The following CTIF variants were observed in gnomAD, a reference collection of about 807,000 sequenced individuals.
CTIF encodes cap binding complex dependent translation initiation factor, also known as CBP80/20-dependent translation initiation factor.
In CTIF, 21 loss-of-function variants were observed where a neutral mutation model predicts 66.0. The ratio of observed to expected loss-of-function variants is 0.32; its 90% confidence interval spans 0.23 to 0.46. CTIF has a LOEUF of 0.46. Among genes scored for constraint, CTIF ranks in the 20% least tolerant of loss-of-function variants. The pLI is 1.00. For synonymous variants in CTIF, 345 were observed against 326.4 expected (o/e 1.06, Z -0.62); for missense variants, 739 against 812.7 (o/e 0.91, Z 1.10).
At chr18:48,736,304 C>G (rs2092502425) in intron 7 of CTIF, among the ~76,000 whole-genome samples, 1 of 152,190 alleles carries the variant, frequency 6.6e-6, no homozygotes, top group South Asian at 2.1e-4. Flanking sequence ...TCTCCAAGTT[C>G]TGGAGCAAGC....
chr18:48,669,037 TC>T (rs2091480497), intron 5 of CTIF, among the ~76,000 whole-genome samples: 1 of 152,138 alleles, frequency 6.6e-6, no homozygotes. Flanking sequence ...AGCTAGTTTC[TC>T]CTCCTCTGGG....
chr18:48,632,753 T>A (rs1049128710), intron 2 of CTIF, among the ~76,000 whole-genome samples: 1 of 152,146 alleles, frequency 6.6e-6, no homozygotes, highest in East Asian at 1.9e-4. Context: ...TTACAGCCCC[T>A]GCCGAGAGCA....
intron 1 of CTIF, among the ~76,000 whole-genome samples, chr18:48,573,392 G>A (rs2089462502): frequency 6.6e-6 from 1 of 152,050 alleles, no homozygotes; most frequent in Non-Finnish European, 1.5e-5. Flanking sequence ...CCAGGCCAGG[G>A]GTCTCCAAAA....
intron 9 of CTIF, among the ~76,000 whole-genome samples, chr18:48,788,114 G>A (rs868458114): frequency 2.6e-5 from 4 of 152,290 alleles, no homozygotes; most frequent in Middle Eastern, 6.8e-3. Flanking sequence ...ATCCCCATGG[G>A]GACAATTGGA....
chr18:48,590,897 C>G (rs2089872997), intron 1 of CTIF, among the ~76,000 whole-genome samples: 1 of 151,774 alleles, frequency 6.6e-6, no homozygotes, highest in South Asian at 2.1e-4. Context: ...CCCAGAGGAA[C>G]TTGGACAACA....
intron 2 of CTIF, among the ~76,000 whole-genome samples, chr18:48,630,154 T>C (rs752847633): frequency 6.6e-6 from 1 of 152,172 alleles, no homozygotes; most frequent in Non-Finnish European, 1.5e-5. Flanking sequence ...TTCTAGGCTG[T>C]ATCCTCTACC....
At chr18:48,555,697 A>C (rs923991851) in intron 1 of CTIF, among the ~76,000 whole-genome samples, 1 of 152,176 alleles carries the variant, frequency 6.6e-6, no homozygotes, top group African/African-American at 2.4e-5. Flanking sequence ...ACCTTTGCCC[A>C]GTTGCATAGA....
chr18:48,706,594 A>G (rs1225488043), intron 6 of CTIF, among the ~76,000 whole-genome samples: 1 of 152,148 alleles, frequency 6.6e-6, no homozygotes, highest in Non-Finnish European at 1.5e-5. Flanking sequence ...TTCTGGGGCC[A>G]GAGCTCTGCT....
intron 2 of CTIF, among the ~76,000 whole-genome samples, chr18:48,632,095 G>T: frequency 6.6e-6 from 1 of 152,196 alleles, no homozygotes; most frequent in East Asian, 1.9e-4. Flanking sequence ...CAGAATCCCA[G>T]CAGGGATGGG....
In CTIF at chr18:48,670,717, C is replaced by T; in HGVS notation, c.480C>T (p.Asp160=). 6.2e-7 allele frequency: 1 copy of T among 1,614,182 alleles called. No individual in the cohort carries two copies. Among genetic ancestry groups the T allele is most frequent in the South Asian group, 1.1e-5 (1 of 91,080 alleles). The change falls in exon 6 of 12, where the codon GAC becomes GAT. Residue 160 remains aspartate, a synonymous_variant. Coordinates refer to ENST00000256413, the MANE Select transcript of CTIF (RefSeq NM_014772.3). ...ATGGGGATGGCATCAACCTGAATGACATCGAGAAGGTCCTTCCAGCCTGGC... is the reference window on the plus strand; with the variant it reads ...ATGGGGATGGCATCAACCTGAATGATATCGAGAAGGTCCTTCCAGCCTGGC... ...LEDGDGINLN[D]IEKVLPAWQG... is the part of the protein sequence containing the mutation.
At chr18:48,703,624 GATC>G (rs1448469177) in intron 6 of CTIF, among the ~76,000 whole-genome samples, 2 of 152,262 alleles carry the variant, frequency 1.3e-5, no homozygotes, top group Non-Finnish European at 2.9e-5. Context: ...AGAGGTCAAA[GATC>G]ATGAGACTGT....
intron 9 of CTIF, among the ~76,000 whole-genome samples, chr18:48,772,018 G>C (rs1193555289): frequency 3.3e-5 from 5 of 152,254 alleles, no homozygotes; most frequent in Non-Finnish European, 5.9e-5. Flanking sequence ...CCCCAGGGAG[G>C]CTCCCAGCCA....
intron 1 of CTIF, among the ~76,000 whole-genome samples, chr18:48,600,987 CTG>C (rs1213479711): frequency 6.6e-6 from 1 of 152,162 alleles, no homozygotes; most frequent in Non-Finnish European, 1.5e-5. Flanking sequence ...CACGTAGACA[CTG>C]TGTTTCCTTA....
rs554760890 is a variant in CTIF at position 48,602,710 on chromosome 18, C to T, written c.-28-16828C>T. Among the ~76,000 whole-genome samples the T allele has an allele frequency of 3.4e-3, 519 of 152,308 alleles. 3 individuals are homozygous for T. Among genetic ancestry groups the T allele is most frequent in the African/African-American group, 0.011 (455 of 41,546 alleles). On this transcript the variant is annotated intron_variant, in intron 1 of 11. Coordinates refer to ENST00000256413, the MANE Select transcript of CTIF (RefSeq NM_014772.3). Reference sequence around the variant, plus strand: ...ACCCTTGATGTCATAACTGTGTGATCGCTTCTCTGCCCTTCGTTTTGTGTC... The same window carrying T: ...ACCCTTGATGTCATAACTGTGTGATTGCTTCTCTGCCCTTCGTTTTGTGTC...
chr18:48,666,947 C>G (rs956009565), intron 5 of CTIF, among the ~76,000 whole-genome samples: 2 of 152,156 alleles, frequency 1.3e-5, no homozygotes, highest in Admixed American at 1.3e-4. Flanking sequence ...TGCCCAGTGT[C>G]CTGTTGCAAC....
In CTIF at chr18:48,636,614, TG is replaced by T; in HGVS notation, c.183del (p.Trp61Ter). Reference sequence around the variant, plus strand: ...CTGATCGCTCCTTTCTGTTCTGCAGTGGACAGCGGACTGCAGCGAACCGCTG... The same window carrying T: ...CTGATCGCTCCTTTCTGTTCTGCAGTGACAGCGGACTGCAGCGAACCGCTG... ...SERTQSHISQ[W>X]TADCSEPLDS... On this transcript the variant is annotated frameshift_variant and splice_region_variant, in exon 3 of 12. Coordinates refer to ENST00000256413, the MANE Select transcript of CTIF (RefSeq NM_014772.3). LOFTEE classifies it high-confidence loss of function. 6.4e-7 allele frequency: 1 copy of T among 1,565,978 alleles called. No homozygotes were observed. Among genetic ancestry groups the T allele is most frequent in the East Asian group, 2.3e-5 (1 of 42,620 alleles).
At chr18:48,635,195 T>A (rs553512138) in intron 2 of CTIF, among the ~76,000 whole-genome samples, 2 of 152,336 alleles carry the variant, frequency 1.3e-5, no homozygotes, top group African/African-American at 4.8e-5. Context: ...CAGGAGGGCA[T>A]GTCCAGCCAA....
chr18:48,773,626 A>G (rs537860506), intron 9 of CTIF, among the ~76,000 whole-genome samples: 1 of 152,318 alleles, frequency 6.6e-6, no homozygotes, highest in African/African-American at 2.4e-5. Context: ...CCCCTGGGTG[A>G]GCAGGCTTCC....
chr18:48,650,269 G>A (rs1043274705), intron 3 of CTIF, among the ~76,000 whole-genome samples: 2 of 152,212 alleles, frequency 1.3e-5, no homozygotes, highest in African/African-American at 2.4e-5. Context: ...AATAAAGAGT[G>A]TGGAGAAGAC....
Sources: gnomAD v4.1 joint callset for allele counts (sites outside exome capture counted in the v4.1 genomes callset) on GRCh38, gnomAD v4.1.1 for gene constraint, MANE v1.5 for transcripts, NCBI Gene and HGNC (gene_info 2026-07-23, HGNC 2026-07-21) for gene names.